KLHL29: variants seen among roughly 807,000 people sequenced by gnomAD.
The protein encoded by KLHL29 is kelch like family member 29.
In KLHL29, 21 loss-of-function variants were observed where a neutral mutation model predicts 80.4. The observed-to-expected ratio is 0.26, with a 90% confidence interval of 0.19 to 0.38. The LOEUF (loss-of-function observed/expected upper bound fraction) is 0.38. Ranked by LOEUF, KLHL29 falls within the 10% of genes least tolerant of loss-of-function variation. The probability of loss-of-function intolerance (pLI) is 1.00; values close to 1 mark genes in which losing one functional copy is unlikely to be tolerated. For missense variants in KLHL29, 867 were observed against 1,223.9 expected (o/e 0.71, Z 4.35); for synonymous variants, 511 against 526.8 (o/e 0.97, Z 0.41).
intron 2 of KLHL29, among the ~76,000 whole-genome samples, chr2:23,545,426 G>A (rs1041122113): frequency 6.6e-6 from 1 of 152,220 alleles, no homozygotes; most frequent in Admixed American, 6.5e-5. Context: ...CATGCTGTCG[G>A]TGCTCCGTAA....
intron 5 of KLHL29, among the ~76,000 whole-genome samples, chr2:23,661,147 C>T (rs1420023477): frequency 6.6e-6 from 1 of 152,078 alleles, no homozygotes; most frequent in Non-Finnish European, 1.5e-5. Context: ...TTAAGAGCAG[C>T]CTGGGAAACA....
At chr2:23,413,400 G>A (rs1483966110) in intron 1 of KLHL29, among the ~76,000 whole-genome samples, 4 of 152,158 alleles carry the variant, frequency 2.6e-5, no homozygotes, top group Admixed American at 6.5e-5. Context: ...CCATGGACAC[G>A]GGTGTCACCA....
chr2:23,417,109 C>T (rs7572683), intron 1 of KLHL29, among the ~76,000 whole-genome samples: 15,272 of 152,152 alleles, frequency 0.1, 1,581 homozygotes, highest in African/African-American at 0.27. Context: ...GGCCATCAGC[C>T]TTCTTCTCTT....
intron 3 of KLHL29, among the ~76,000 whole-genome samples, chr2:23,591,789 G>A (rs111348532): frequency 1.2e-3 from 178 of 152,224 alleles, no homozygotes; most frequent in African/African-American, 4.2e-3. Flanking sequence ...CTTCCTCGTC[G>A]CGTTCCAACC....
At chr2:23,500,043 T>C (rs564901995) in intron 2 of KLHL29, among the ~76,000 whole-genome samples, 2 of 152,326 alleles carry the variant, frequency 1.3e-5, no homozygotes, top group African/African-American at 4.8e-5. Flanking sequence ...TGGTACCAAC[T>C]GTACAGCAGG....
chr2:23,446,868 C>T (rs1663708873), intron 1 of KLHL29, among the ~76,000 whole-genome samples: 1 of 152,196 alleles, frequency 6.6e-6, no homozygotes, highest in African/African-American at 2.4e-5. Flanking sequence ...AGACTGATGA[C>T]TTTCTGCTGC....
chr2:23,475,660 G>A lies in KLHL29; in HGVS notation c.-53G>A, dbSNP rs572590303. 13 of 167,052 alleles carry A rather than the reference G, an allele frequency of 7.8e-5. No homozygotes were observed. The highest frequency in any genetic ancestry group is 7.3e-5 in the Non-Finnish European group (5 of 68,116). The allele number at this position is 167,052 out of a possible 1,614,324, so 10.3% of individuals were successfully genotyped here. On this transcript the variant is annotated 5_prime_UTR_variant, in exon 2 of 14. Coordinates refer to ENST00000486442, the MANE Select transcript of KLHL29 (RefSeq NM_052920.2). ...AATCCTGAGCTTGCCAGAGACGGGC[G>A]GCGCAAGGTAGGTCTCTGCTTAGCT...
At chr2:23,407,652 G>C (rs762967551) in intron 1 of KLHL29, among the ~76,000 whole-genome samples, 12 of 151,772 alleles carry the variant, frequency 7.9e-5, no homozygotes. Flanking sequence ...GTTTCCTCTT[G>C]TTTTTAGGCT....
chr2:23,612,183 A>C (rs1668887277), intron 3 of KLHL29, among the ~76,000 whole-genome samples: 1 of 152,244 alleles, frequency 6.6e-6, no homozygotes, highest in African/African-American at 2.4e-5. Flanking sequence ...CAAGGCATTC[A>C]GAGTAAAACT....
intron 6 of KLHL29, chr2:23,689,508 A>G (rs1671445833): frequency 6.6e-6 from 1 of 152,500 alleles, no homozygotes; most frequent in Admixed American, 6.5e-5. Flanking sequence ...GGGTCAGTGC[A>G]TATGTGTGCG....
intron 3 of KLHL29, among the ~76,000 whole-genome samples, chr2:23,620,496 G>T (rs1040628006): frequency 2.6e-5 from 4 of 152,140 alleles, no homozygotes; most frequent in Non-Finnish European, 4.4e-5. Flanking sequence ...GGCATGGCGT[G>T]GGGGGACAGT....
At chr2:23,475,890 A>T in intron 2 of KLHL29, among the ~76,000 whole-genome samples, 1 of 152,184 alleles carries the variant, frequency 6.6e-6, no homozygotes. Flanking sequence ...ACCAAAGAGA[A>T]TATCTATGAC....
At chr2:23,572,043 C>G (rs1667728862) in intron 3 of KLHL29, among the ~76,000 whole-genome samples, 1 of 152,170 alleles carries the variant, frequency 6.6e-6, no homozygotes, top group Non-Finnish European at 1.5e-5. Context: ...TACAGGGATC[C>G]TGCTATCTGT....
chr2:23,558,268 C>T (rs183412674), intron 2 of KLHL29, among the ~76,000 whole-genome samples: 1 of 152,302 alleles, frequency 6.6e-6, no homozygotes, highest in East Asian at 1.9e-4. Context: ...GTGATGATCA[C>T]GAGCCCCTTG....
At chr2:23,415,279 G>A (rs1558329628) in intron 1 of KLHL29, among the ~76,000 whole-genome samples, 1 of 152,188 alleles carries the variant, frequency 6.6e-6, no homozygotes, top group African/African-American at 2.4e-5. Context: ...GCAAGGCAGG[G>A]GCTTAGCTGT....
At chr2:23,400,557 C>T (rs62126848) in intron 1 of KLHL29, among the ~76,000 whole-genome samples, 7,937 of 152,060 alleles carry the variant, frequency 0.052, 216 homozygotes, top group Middle Eastern at 0.1. Context: ...AGCTGGGCAC[C>T]GTGGCTCACA....
chr2:23,480,364 A>G (rs1342302622), intron 2 of KLHL29, among the ~76,000 whole-genome samples: 1 of 152,164 alleles, frequency 6.6e-6, no homozygotes, highest in Non-Finnish European at 1.5e-5. Context: ...ACACACGCCT[A>G]TAGTCCCAGG....
At chr2:23,523,088 G>A (rs1666157930) in intron 2 of KLHL29, among the ~76,000 whole-genome samples, 1 of 152,172 alleles carries the variant, frequency 6.6e-6, no homozygotes, top group African/African-American at 2.4e-5. Flanking sequence ...GGGGGCAGAG[G>A]CATTCAGAAC....
intron 1 of KLHL29, among the ~76,000 whole-genome samples, chr2:23,410,467 T>C (rs992099688): frequency 6.6e-6 from 1 of 152,186 alleles, no homozygotes; most frequent in South Asian, 2.1e-4. Context: ...AACTGAGCTT[T>C]GTTTAGGACT....
Sources: gnomAD v4.1 joint callset for allele counts (sites outside exome capture counted in the v4.1 genomes callset) on GRCh38, gnomAD v4.1.1 for gene constraint, MANE v1.5 for transcripts, NCBI Gene and HGNC (gene_info 2026-07-23, HGNC 2026-07-21) for gene names.